Variants in PLCB3 observed in about 807,000 individuals in gnomAD.
The protein encoded by PLCB3 is 1-phosphatidylinositol 4,5-bisphosphate phosphodiesterase beta-3.
A neutral mutation model predicts 152.1 loss-of-function variants in PLCB3; 54 were observed. The observed-to-expected ratio is 0.36, with a 90% confidence interval of 0.29 to 0.45. PLCB3 has a LOEUF of 0.45. PLCB3 is among the 20% of genes least tolerant of loss of function. The pLI, the probability that PLCB3 is intolerant of heterozygous loss-of-function variation, is 1.00. For synonymous variants in PLCB3, 717 were observed against 698.7 expected (o/e 1.03, Z -0.41); for missense variants, 1,248 against 1,687.5 (o/e 0.74, Z 4.56).
intron 16 of PLCB3, 130 bp downstream of exon 16, chr11:64,261,795 C>A: frequency 7.0e-7 from 1 of 1,428,160 alleles, no homozygotes; most frequent in Non-Finnish European, 9.8e-7. Flanking sequence ...GCACCCTGGC[C>A]TGGGGCTTGG....
chr11:64,259,891 C>T, intron 13 of PLCB3, 138 bp from the exon 14 acceptor site: 1 of 713,506 alleles, frequency 1.4e-6, no homozygotes, highest in Admixed American at 2.8e-5. Flanking sequence ...CTTGGCCTCT[C>T]CCCAAGCCAC....
In PLCB3 at chr11:64,264,784, T is replaced by C. The variant is rs111958415; in HGVS notation, c.2653-167T>C. On this transcript the variant is annotated intron_variant, in intron 22 of 30. Coordinates refer to ENST00000279230, the MANE Select transcript of PLCB3 (RefSeq NM_000932.5). ...GGAAAAGGGGTTTAGAAAGGCTTGA[T>C]TTATAGCTCTTCTCATGCAGACAGC... Among the ~76,000 whole-genome samples, 393 of 152,204 alleles carry C rather than the reference T, an allele frequency of 2.6e-3. 2 individuals are homozygous for C. Among genetic ancestry groups the C allele is most frequent in the East Asian group, 8.9e-3 (46 of 5,188 alleles).
At position 64,255,860 on chromosome 11, in the gene PLCB3, G is replaced by C; in HGVS notation, c.698+39G>C. 1 of 1,424,830 alleles carries C rather than the reference G, an allele frequency of 7.0e-7. No individual in the cohort carries two copies. The highest frequency in any genetic ancestry group is 9.9e-7 in the Non-Finnish European group (1 of 1,007,700). 88.3% of individuals were successfully genotyped at this position (1,424,830 alleles called of 1,614,324 possible). A position where few individuals can be genotyped will look rare whatever the true frequency, so the allele number is the denominator to read the frequency against. ...GCCTGCCTCACAACCCCTGTGCTCT[G>C]TGTTTAGCTTCTGCTTAGCGTGCCT... is the stretch of plus-strand genomic sequence containing the variant. On this transcript the variant is annotated intron_variant, in intron 8 of 30. Transcript: ENST00000279230. The surrounding 1 kb of genome is among the most constrained non-coding windows in gnomAD (Gnocchi z 6.8).
chr11:64,265,734 G>C, intron 25 of PLCB3, 152 bp from the exon 26 acceptor site: 1 of 1,218,112 alleles, frequency 8.2e-7, no homozygotes, highest in Non-Finnish European at 1.1e-6. Context: ...CATCACTTGG[G>C]TGGAGCTAAC....
intron 1 of PLCB3, among the ~76,000 whole-genome samples, chr11:64,253,271 C>A (rs2135036741): frequency 6.6e-6 from 1 of 152,324 alleles, no homozygotes; most frequent in African/African-American, 2.4e-5. Context: ...AACCACACTG[C>A]CTGCAAGCAG....
rs1182368742 is a variant in PLCB3, at chr11:64,265,211, C to T, written c.2826C>T (p.Ile942=). 9.4e-6 allele frequency: 15 copies of T among 1,599,518 alleles called. No individual in the cohort carries two copies. Among genetic ancestry groups the T allele is most frequent in the African/African-American group, 2.7e-5 (2 of 74,700 alleles). ...LSSPGQRDDL[I]ASILSEVAPT... is the part of the protein sequence containing the mutation. ...CCCCAGGGCAGCGTGATGATCTCAT[C>T]GCCAGCATCCTCTCAGGTAGGGGGC... Residue 942 remains isoleucine (I), a synonymous_variant, in exon 24 of 31, where the codon ATC becomes ATT. Transcript: ENST00000279230.
Position 64,266,438 on chromosome 11 carries a change from C to T in PLCB3, c.3356+34C>T, listed in dbSNP as rs766905460. On this transcript the variant is annotated intron_variant, in intron 28 of 30. Coordinates refer to ENST00000279230, the MANE Select transcript of PLCB3 (RefSeq NM_000932.5). The surrounding 1 kb of genome is among the most constrained non-coding windows in gnomAD (Gnocchi z 4.9). ...ACCGGGACCGGGGGCCATCTGGGTA[C>T]TGGGGAGGCAGGGCAGGTGTCTGGG... is the stretch of plus-strand genomic sequence containing the variant. The T allele has an allele frequency of 3.7e-6, 6 of 1,600,736 alleles. No homozygotes were observed. The East Asian group carries it at 6.7e-5, about 18-fold the overall frequency.
rs373726563 is a variant in PLCB3, at chr11:64,263,762, G to A, written c.2527G>A (p.Glu843Lys). 1.9e-6 allele frequency: 3 copies of A among 1,613,232 alleles called. No individual in the cohort carries two copies. Among genetic ancestry groups the A allele is most frequent in the African/African-American group, 2.7e-5 (2 of 74,926 alleles). The change falls in exon 21 of 31, where the codon GAA becomes AAA. Residue 843 changes from glutamate to lysine, a missense_variant. By Grantham distance (56) the Glu-to-Lys change is moderately conservative. Transcript: ENST00000279230. ...LCLPALLIYTEASDYIPDDHQ... is the reference protein window; with the variant it reads ...LCLPALLIYTKASDYIPDDHQ... ...CCTGCCGGCCCTGCTCATCTACACCGAAGCCTCGGACTACATTCCTGACGA... is the reference window on the plus strand; with the variant it reads ...CCTGCCGGCCCTGCTCATCTACACCAAAGCCTCGGACTACATTCCTGACGA...
rs757989609 is a variant in PLCB3 at position 64,258,850 on chromosome 11, G to A, written c.1254-35G>A. 57 of 1,611,574 alleles carry A rather than the reference G, an allele frequency of 3.5e-5. No homozygotes were observed. The highest frequency in any genetic ancestry group is 4.6e-5 in the Non-Finnish European group (54 of 1,177,874). Reference sequence around the variant, plus strand: ...CGTAGACCTCAGCTTCCTCTCTGGGGGAGGGATCTCTGACCTCTGACCTCG... The same window carrying A: ...CGTAGACCTCAGCTTCCTCTCTGGGAGAGGGATCTCTGACCTCTGACCTCG... On this transcript the variant is annotated intron_variant, in intron 11 of 30. Coordinates refer to ENST00000279230, the MANE Select transcript of PLCB3 (RefSeq NM_000932.5). The surrounding 1 kb of genome is among the most constrained non-coding windows in gnomAD (Gnocchi z 7.2).
chr11:64,256,581 G>A, intron 9 of PLCB3, 37 bp from the exon 10 acceptor site: 1 of 1,613,282 alleles, frequency 6.2e-7, no homozygotes, highest in Non-Finnish European at 8.5e-7. Flanking sequence ...GGGCAGGTGG[G>A]ACCCCAGCTG....
Position 64,261,482 on chromosome 11 carries a change from T to A in PLCB3, c.1814T>A (p.Phe605Tyr), listed in dbSNP as rs779559742. 1 of 1,614,042 alleles carries A rather than the reference T, an allele frequency of 6.2e-7. No individual in the cohort carries two copies. The highest frequency in any genetic ancestry group is 8.5e-7 in the Non-Finnish European group (1 of 1,179,908). ...ATCGAACCTGTCAAGTTCAAGTCCTTTGAGGCTGCTCGAAGTGAGTGGGGG... is the reference window on the plus strand; with the variant it reads ...ATCGAACCTGTCAAGTTCAAGTCCTATGAGGCTGCTCGAAGTGAGTGGGGG... ...NYIEPVKFKS[F>Y]EAARKRNKCF... is the part of the protein sequence containing the mutation. Residue 605 changes from phenylalanine to tyrosine, a missense_variant, in exon 15 of 31, where the codon TTT (phenylalanine) becomes TAT (tyrosine). Physicochemically the swap from Phe to Tyr is conservative, Grantham distance 22. This residue lies in a region of PLCB3 where 244 missense variants were observed against 424.4 expected (regional missense o/e 0.57). Coordinates refer to ENST00000279230, the MANE Select transcript of PLCB3 (RefSeq NM_000932.5).
Position 64,263,959 on chromosome 11 carries a change from T to G in PLCB3, c.2561-62T>G, listed in dbSNP as rs897819973. ...TGGAATTCCTCATTGAGACCAGAGG[T>G]GGCGGGTGGGGGTGGCCTGGGGGCT... On this transcript the variant is annotated intron_variant, in intron 21 of 30. Coordinates refer to ENST00000279230, the MANE Select transcript of PLCB3 (RefSeq NM_000932.5). The G allele has an allele frequency of 6.8e-6, 9 of 1,318,800 alleles. No individual in the cohort carries two copies. The African/African-American group carries it at 1.3e-4, about 19-fold the overall frequency. The allele number at this position is 1,318,800 out of a possible 1,614,324, so 81.7% of individuals were successfully genotyped here.
At chr11:64,261,341 T>G in intron 14 of PLCB3, 59 bp from the exon 15 acceptor site, 1 of 1,234,658 alleles carries the variant, frequency 8.1e-7, no homozygotes, top group Non-Finnish European at 1.2e-6. Context: ...GGGGGGCAGG[T>G]GAGGGAATGG....
rs372625701 is a variant in PLCB3, at chr11:64,258,973, C to T, written c.1338+4C>T. The T allele has an allele frequency of 1.6e-4, 262 of 1,613,752 alleles. No individual in the cohort carries two copies. Among genetic ancestry groups the T allele is most frequent in the Non-Finnish European group, 2.1e-4 (247 of 1,179,960 alleles). The stretch of plus-strand genomic sequence containing the variant: ...CGAGCCTCTGGACAAGTACCCGGTA[C>T]GGGAGCTCGGAGCGAGGGGGGTGGC... On this transcript the variant is annotated splice_donor_region_variant and intron_variant, in intron 12 of 30. Transcript: ENST00000279230. This position sits in a 1 kb window ranked among gnomAD's most constrained non-coding sequence, Gnocchi z 7.2.
chr11:64,265,912 CGAA>C lies in PLCB3; in HGVS notation c.3064_3066del (p.Lys1022del). The C allele has an allele frequency of 6.2e-7, 1 of 1,613,178 alleles. No homozygotes were observed. The highest frequency in any genetic ancestry group is 2.2e-5 in the East Asian group (1 of 44,876). On this transcript the variant is annotated inframe_deletion, in exon 26 of 31. Transcript: ENST00000279230. ...GGTGGGGCCGCTGATGTGGAGGACACGAAGGAGGGGGAGGACGAGGCAAAGCGG... is the reference window on the plus strand; with the variant it reads ...GGTGGGGCCGCTGATGTGGAGGACACGGAGGGGGAGGACGAGGCAAAGCGG...
In PLCB3 at chr11:64,266,123, C is replaced by T. The variant is rs370702952; in HGVS notation, c.3190-3C>T. On this transcript the variant is annotated splice_polypyrimidine_tract_variant and splice_region_variant and intron_variant, in intron 26 of 30. Coordinates refer to ENST00000279230, the MANE Select transcript of PLCB3 (RefSeq NM_000932.5). This position sits in a 1 kb window ranked among gnomAD's most constrained non-coding sequence, Gnocchi z 4.9. ...ATCACCTGTCAGCTCCCTGTGTCCA[C>T]AGGCTCTGCAGCGGCTCAGGGAGGT... 4 of 1,614,108 alleles carry T rather than the reference C, an allele frequency of 2.5e-6. No homozygotes were observed. Among genetic ancestry groups the T allele is most frequent in the Non-Finnish European group, 3.4e-6 (4 of 1,180,008 alleles).
At chr11:64,254,544 A>C (rs1233375888) in intron 2 of PLCB3, 52 bp downstream of exon 2, 3 of 1,560,740 alleles carry the variant, frequency 1.9e-6, no homozygotes, top group Non-Finnish European at 2.6e-6. Context: ...CCTGTCCCAG[A>C]CCCCTGCCCT....
chr11:64,253,308 G>T (rs972617456), intron 1 of PLCB3, among the ~76,000 whole-genome samples: 2 of 152,188 alleles, frequency 1.3e-5, no homozygotes, highest in Admixed American at 6.5e-5. Context: ...TCTCGGGCAG[G>T]CTACGAAGTG....
chr11:64,264,569 G>A (rs117452869), intron 22 of PLCB3, among the ~76,000 whole-genome samples: 3,403 of 152,256 alleles, frequency 0.022, 46 homozygotes, highest in Non-Finnish European at 0.035. Context: ...CCCACTCTGC[G>A]GTTGAGTCCT....
Sources: gnomAD v4.1 joint callset for allele counts (sites outside exome capture counted in the v4.1 genomes callset) on GRCh38, gnomAD v4.1.1 for gene constraint, gnomAD v4.1.1 regional missense constraint, Gnocchi (gnomAD v3.1) non-coding constraint, MANE v1.5 for transcripts, NCBI Gene and HGNC (gene_info 2026-07-23, HGNC 2026-07-21) for gene names.